The following TNRC6B variants were observed in gnomAD, a reference collection of about 807,000 sequenced individuals.
TNRC6B encodes the protein trinucleotide repeat containing adaptor 6B.
In TNRC6B, 52 loss-of-function variants were observed where a neutral mutation model predicts 203.6. That is an observed-to-expected ratio of 0.26 (90% CI 0.20 to 0.32). TNRC6B has a LOEUF of 0.32. Ranked by LOEUF, TNRC6B falls within the 10% of genes least tolerant of loss-of-function variation. TNRC6B has a pLI of 1.00. For missense variants in TNRC6B, 1,923 were observed against 2,286.2 expected, an observed-to-expected ratio of 0.84 and a Z score of 3.24; for synonymous variants, 838 against 845.7, an observed-to-expected ratio of 0.99 and a Z score of 0.16.
chr22:40,162,739 CATT>C (rs1181998701), intron 4 of TNRC6B, among the ~76,000 whole-genome samples: 2 of 152,162 alleles, frequency 1.3e-5, no homozygotes, highest in African/African-American at 4.8e-5. Flanking sequence ...TAAACTCAAT[CATT>C]ATTACACAGT....
At chr22:40,319,422 C>CT (rs374148213) in intron 21 of TNRC6B, among the ~76,000 whole-genome samples, 4,713 of 112,698 alleles carry the variant, frequency 0.042, 115 homozygotes, top group African/African-American at 0.071. Context: ...CTTTTCTTTT[C>CT]TTTTTTTTTT....
chr22:40,210,176 G>T (rs1027659306), intron 1 of TNRC6B, among the ~76,000 whole-genome samples: 1 of 151,894 alleles, frequency 6.6e-6, no homozygotes, highest in African/African-American at 2.4e-5. Flanking sequence ...TAGAGACCTC[G>T]CTTCCTTCCC....
Position 40,156,754 on chromosome 22 carries a change from GGTT to G in TNRC6B, c.113+573_113+575del, listed in dbSNP as rs1361390842. ...CTTAAGGGGTAATTGGTTTGTTGTTGGTTTTTTTTTTTTTTTTTTCTTGAGACG... is the reference window on the plus strand; with the variant it reads ...CTTAAGGGGTAATTGGTTTGTTGTTGTTTTTTTTTTTTTTTTCTTGAGACG... On this transcript the variant is annotated intron_variant, in intron 4 of 23. Transcript: ENST00000301923. Among the ~76,000 whole-genome samples, 31 of 92,694 alleles carry G rather than the reference GGTT, an allele frequency of 3.3e-4. No individual in the cohort carries two copies. The South Asian group carries it at 9.5e-3, about 28-fold the overall frequency. The allele number at this position is 92,694 out of a possible 152,430, so 60.8% of individuals were successfully genotyped here.
chr22:40,280,220 C>G (rs2070705976), intron 10 of TNRC6B, 77 bp downstream of exon 10: 5 of 1,409,472 alleles, frequency 3.5e-6, no homozygotes, highest in East Asian at 2.3e-5. Flanking sequence ...ATAACTGATT[C>G]TAGAGGAAGC....
intron 1 of TNRC6B, among the ~76,000 whole-genome samples, chr22:40,227,358 C>CTT (rs71199278): frequency 0.02 from 1,419 of 70,986 alleles, 28 homozygotes; most frequent in Middle Eastern, 0.065. Flanking sequence ...CTGAAATTAC[C>CTT]TTTTTTTTTT....
rs1367701870 is a variant in TNRC6B at position 40,321,082 on chromosome 22, C to T, written c.4975-8C>T. ...AGTCTTTATCTCATGAATGTCATTA[C>T]TCCTTAGATTGATGGGTCAACCTTG... On this transcript the variant is annotated splice_region_variant and splice_polypyrimidine_tract_variant and intron_variant, in intron 21 of 22. Transcript: ENST00000454349. 6.2e-6 allele frequency: 10 copies of T among 1,613,718 alleles called. No individual in the cohort carries two copies. The highest frequency in any genetic ancestry group is 1.7e-5 in the Admixed American group (1 of 59,988).
chr22:40,053,372 G>A (rs534598058), intron 1 of TNRC6B, among the ~76,000 whole-genome samples: 1 of 152,216 alleles, frequency 6.6e-6, no homozygotes, highest in East Asian at 1.9e-4. Context: ...GAGAGTCTCT[G>A]AATTAGGAGT....
intron 1 of TNRC6B, among the ~76,000 whole-genome samples, chr22:40,207,418 A>AAAAAT (rs1475466762): frequency 6.2e-5 from 8 of 128,860 alleles, no homozygotes; most frequent in East Asian, 4.3e-4. Context: ...AAAAAAAAAA[A>AAAAAT]ATATATATAT....
rs767038580 is a variant in TNRC6B at position 40,330,969 on chromosome 22, G to T, written c.*7728G>T. The stretch of plus-strand genomic sequence containing the variant: ...GACCCACGTTAGTCCAAGAGCGCAG[G>T]TTTACACATCTGCATTCCCTAGTTT... On this transcript the variant is annotated 3_prime_UTR_variant, in exon 23 of 23. Transcript: ENST00000454349. The T allele has an allele frequency of 3.3e-5, 5 of 152,632 alleles. No homozygotes were observed. In the East Asian group the frequency reaches 9.6e-4, roughly 29 times the overall value. The allele number at this position is 152,632 out of a possible 1,614,324, so 9.5% of individuals were successfully genotyped here.
At chr22:40,253,524 G>T in intron 3 of TNRC6B, 1 of 443,970 alleles carries the variant, frequency 2.3e-6, no homozygotes, top group Admixed American at 2.5e-5. Flanking sequence ...TTTCCAATTG[G>T]GGGCTTTCTC....
At chr22:40,113,590 C>A (rs1167648217) in intron 1 of TNRC6B, among the ~76,000 whole-genome samples, 1 of 152,218 alleles carries the variant, frequency 6.6e-6, no homozygotes, top group Non-Finnish European at 1.5e-5. Context: ...CTCGTGAGCT[C>A]AATCAATCTG....
At chr22:40,245,011 A>T (rs888739737) in intron 1 of TNRC6B, among the ~76,000 whole-genome samples, 3 of 152,340 alleles carry the variant, frequency 2.0e-5, no homozygotes, top group Admixed American at 2.0e-4. Context: ...GTGGAGCAAA[A>T]CCTGGTTGTC....
chr22:40,230,328 C>G (rs1318722935), intron 1 of TNRC6B, among the ~76,000 whole-genome samples: 1 of 142,264 alleles, frequency 7.0e-6, no homozygotes, highest in Admixed American at 7.3e-5. Context: ...CTCACTCTGT[C>G]GCCCAGACTG....
chr22:40,247,239 C>T (rs2070121111), intron 2 of TNRC6B, among the ~76,000 whole-genome samples: 1 of 152,048 alleles, frequency 6.6e-6, no homozygotes, highest in Non-Finnish European at 1.5e-5. Context: ...GGAAGCAGGG[C>T]CTACTGTGGG....
intron 1 of TNRC6B, among the ~76,000 whole-genome samples, chr22:40,054,338 T>G (rs1397023661): frequency 6.6e-6 from 1 of 152,216 alleles, no homozygotes; most frequent in Non-Finnish European, 1.5e-5. Context: ...TCCTACTGTC[T>G]TCCCCCTTGC....
At chr22:40,205,541 T>C (rs1331039647) in intron 1 of TNRC6B, among the ~76,000 whole-genome samples, 1 of 152,194 alleles carries the variant, frequency 6.6e-6, no homozygotes, top group Non-Finnish European at 1.5e-5. Context: ...CTAGGTGAAG[T>C]CCATTACTGA....
At chr22:40,134,051 T>C (rs1344531777) in intron 3 of TNRC6B, among the ~76,000 whole-genome samples, 1 of 151,542 alleles carries the variant, frequency 6.6e-6, no homozygotes, top group East Asian at 1.9e-4. Flanking sequence ...TCAGATATCT[T>C]GATGTCTGTT....
chr22:40,311,001 C>T lies in TNRC6B; in HGVS notation c.4435+8C>T. 1 of 1,600,284 alleles carries T rather than the reference C, an allele frequency of 6.2e-7. No individual in the cohort carries two copies. The highest frequency in any genetic ancestry group is 8.5e-7 in the Non-Finnish European group (1 of 1,173,990). On this transcript the variant is annotated splice_region_variant and intron_variant, in intron 17 of 22. Coordinates refer to ENST00000454349, the MANE Select transcript of TNRC6B (RefSeq NM_001162501.2). ...ATGCCAGTTGGCCTCCAGGTATTGT[C>T]TAGGAAATGCTTTTCCCAGGATAGC...
At position 40,104,729 on chromosome 22, in the gene TNRC6B, A is replaced by G. The variant is rs2068267498; in HGVS notation, c.-120-12326A>G. Among the ~76,000 whole-genome samples, 2 of 152,184 alleles carry G rather than the reference A, an allele frequency of 1.3e-5. 1 individual carries two copies. Among genetic ancestry groups the G allele is most frequent in the African/African-American group, 4.8e-5 (2 of 41,438 alleles). On this transcript the variant is annotated intron_variant, in intron 1 of 23. Coordinates refer to the TNRC6B transcript ENST00000301923. The stretch of plus-strand genomic sequence containing the variant: ...GAGGGTGTCAGAGTATATTGATGAT[A>G]TCATAGCTCACACTTACCTGGTGCA...
Sources: allele counts gnomAD v4.1 joint callset (sites outside exome capture counted in the v4.1 genomes callset), GRCh38; gene constraint gnomAD v4.1.1; transcripts MANE v1.5; gene names NCBI Gene and HGNC (gene_info 2026-07-23, HGNC 2026-07-21).